Variants in GALNTL6 observed in about 807,000 individuals in gnomAD.
The protein encoded by GALNTL6 is polypeptide N-acetylgalactosaminyltransferase-like 6.
GALNTL6 carries 46 observed loss-of-function variants against 73.7 expected under a neutral mutation model. That is an observed-to-expected ratio of 0.62 (90% CI 0.49 to 0.80). GALNTL6 has a LOEUF of 0.80. Among genes scored for constraint, GALNTL6 ranks in the 30% least tolerant of loss-of-function variants. The pLI is 0.00. For missense variants in GALNTL6, 604 were observed against 755.0 expected (o/e 0.80, Z 2.34); for synonymous variants, 259 against 263.7 (o/e 0.98, Z 0.17).
At chr4:172,633,128 C>A (rs774248451) in intron 5 of GALNTL6, among the ~76,000 whole-genome samples, 1 of 152,260 alleles carries the variant, frequency 6.6e-6, no homozygotes, top group East Asian at 1.9e-4. Flanking sequence ...GTTGAAGCCC[C>A]CACACAGAGT....
chr4:172,427,020 A>C (rs1234802217), intron 5 of GALNTL6, among the ~76,000 whole-genome samples: 1 of 152,144 alleles, frequency 6.6e-6, no homozygotes, highest in Non-Finnish European at 1.5e-5. Flanking sequence ...AATTATGCAT[A>C]AATTAACTGA....
chr4:172,218,877 A>G (rs1024855966), intron 2 of GALNTL6, among the ~76,000 whole-genome samples: 3 of 151,928 alleles, frequency 2.0e-5, no homozygotes, highest in Non-Finnish European at 1.5e-5. Flanking sequence ...TACATTTGTG[A>G]TGTATATTCA....
chr4:171,865,146 CAAA>C, intron 2 of GALNTL6, among the ~76,000 whole-genome samples: 1 of 134,472 alleles, frequency 7.4e-6, no homozygotes, highest in East Asian at 2.1e-4. Flanking sequence ...AACTCTGTCT[CAAA>C]AAAAAAAAAG....
intron 5 of GALNTL6, among the ~76,000 whole-genome samples, chr4:172,480,548 T>A (rs1047589274): frequency 6.6e-6 from 1 of 152,204 alleles, no homozygotes; most frequent in Non-Finnish European, 1.5e-5. Context: ...TAAAAAGGGA[T>A]GAGTGAAATA....
chr4:173,010,147 C>G (rs1010535506), intron 11 of GALNTL6, among the ~76,000 whole-genome samples: 2 of 152,144 alleles, frequency 1.3e-5, no homozygotes, highest in Non-Finnish European at 2.9e-5. Flanking sequence ...TCCCACTCCC[C>G]ACCTCACACC....
intron 4 of GALNTL6, among the ~76,000 whole-genome samples, chr4:172,325,112 A>C (rs1277941112): frequency 6.6e-6 from 1 of 151,750 alleles, no homozygotes; most frequent in African/African-American, 2.4e-5. Flanking sequence ...ATTTCTAAGA[A>C]AAAAAAAGAG....
At chr4:172,289,252 G>A (rs566194692) in intron 3 of GALNTL6, among the ~76,000 whole-genome samples, 25 of 152,174 alleles carry the variant, frequency 1.6e-4, no homozygotes, top group Admixed American at 1.2e-3. Context: ...GTTTTGTTGC[G>A]TTCTTTTGAA....
chr4:172,830,080 C>T (rs959269258), intron 7 of GALNTL6, among the ~76,000 whole-genome samples: 1 of 151,910 alleles, frequency 6.6e-6, no homozygotes, highest in Non-Finnish European at 1.5e-5. Context: ...TTTATCTTAG[C>T]TAACATAATA....
chr4:172,187,882 A>G (rs138963170), intron 2 of GALNTL6, among the ~76,000 whole-genome samples: 95 of 152,200 alleles, frequency 6.2e-4, no homozygotes, highest in African/African-American at 2.1e-3. Flanking sequence ...AATGTTTTCA[A>G]TGTAAAACTC....
chr4:172,914,177 C>G (rs544370676), intron 8 of GALNTL6, among the ~76,000 whole-genome samples: 32 of 152,222 alleles, frequency 2.1e-4, no homozygotes, highest in African/African-American at 6.0e-4. Flanking sequence ...GAAATAAAAG[C>G]CTTTACAGAC....
chr4:172,474,744 A>G (rs1733172582), intron 5 of GALNTL6, among the ~76,000 whole-genome samples: 2 of 152,144 alleles, frequency 1.3e-5, no homozygotes, highest in East Asian at 1.9e-4. Context: ...CTTGTTTTAT[A>G]TTATTCTCTT....
At chr4:172,544,272 C>T (rs1218766595) in intron 5 of GALNTL6, among the ~76,000 whole-genome samples, 1 of 152,120 alleles carries the variant, frequency 6.6e-6, no homozygotes, top group African/African-American at 2.4e-5. Flanking sequence ...TTTTCCTGGT[C>T]TCAGGAAACA....
At chr4:171,976,630 G>A (rs1205293882) in intron 2 of GALNTL6, among the ~76,000 whole-genome samples, 1 of 152,156 alleles carries the variant, frequency 6.6e-6, no homozygotes, top group African/African-American at 2.4e-5. Context: ...TTGATAGCGG[G>A]TTATGGTGAC....
intron 5 of GALNTL6, among the ~76,000 whole-genome samples, chr4:172,736,581 G>A (rs1837130): frequency 0.36 from 54,524 of 152,088 alleles, 10,816 homozygotes; most frequent in African/African-American, 0.52. Context: ...CTCAGCTTAT[G>A]AAGATGACGG....
chr4:172,015,923 A>ATTTTTTTTTTTTTTTTTTTTTTT (rs70941375), intron 2 of GALNTL6, among the ~76,000 whole-genome samples: 1 of 44,052 alleles, frequency 2.3e-5, no homozygotes, highest in Admixed American at 4.0e-4. Context: ...ATCTAATAGG[A>ATTTTTTTTTTTTTTTTTTTTTTT]TTTTTTTTTT....
chr4:172,114,309 T>C (rs2110984835), intron 2 of GALNTL6, among the ~76,000 whole-genome samples: 1 of 152,172 alleles, frequency 6.6e-6, no homozygotes, highest in Non-Finnish European at 1.5e-5. Context: ...TGGTCAGGGC[T>C]CTTCTGGAGA....
chr4:172,605,310 T>C (rs748069954), intron 5 of GALNTL6, among the ~76,000 whole-genome samples: 30 of 152,266 alleles, frequency 2.0e-4, no homozygotes, highest in Non-Finnish European at 2.2e-4. Context: ...CCCACATCAA[T>C]ACCCAAAAAT....
At chr4:172,240,741 A>G (rs547904910) in intron 3 of GALNTL6, among the ~76,000 whole-genome samples, 2 of 151,958 alleles carry the variant, frequency 1.3e-5, no homozygotes, top group African/African-American at 4.8e-5. Context: ...TCAGTTCTTG[A>G]TCCATTTTAT....
intron 2 of GALNTL6, among the ~76,000 whole-genome samples, chr4:172,171,106 CACA>C (rs1287895018): frequency 3.3e-5 from 5 of 152,244 alleles, no homozygotes; most frequent in South Asian, 2.1e-4. Flanking sequence ...AAACGACAAC[CACA>C]ACAACAACTC....
Sources: allele counts gnomAD v4.1 joint callset (sites outside exome capture counted in the v4.1 genomes callset), GRCh38; gene constraint gnomAD v4.1.1; transcripts MANE v1.5; gene names NCBI Gene and HGNC (gene_info 2026-07-23, HGNC 2026-07-21).